Variants in KIF26B observed in about 807,000 individuals in gnomAD.
KIF26B encodes the protein kinesin family member 26B.
Under a neutral mutation model 151.2 loss-of-function variants are expected in KIF26B, and 63 were observed. The ratio of observed to expected loss-of-function variants is 0.42; its 90% CI spans 0.34 to 0.51. The LOEUF is 0.51. Among genes scored for constraint, KIF26B ranks in the 20% least tolerant of loss-of-function variants. KIF26B has a pLI of 0.07. For missense variants in KIF26B, 2,813 were observed against 2,913.6 expected, an observed-to-expected ratio of 0.97 and a Z score of 0.79; for synonymous variants, 1,357 against 1,262.1, an observed-to-expected ratio of 1.08 and a Z score of -1.59.
At chr1:245,368,791 G>C (rs1673024317) in intron 3 of KIF26B, among the ~76,000 whole-genome samples, 1 of 152,146 alleles carries the variant, frequency 6.6e-6, no homozygotes, top group African/African-American at 2.4e-5. Context: ...TTGGGGCCCA[G>C]CTTTGCATGG....
intron 2 of KIF26B, among the ~76,000 whole-genome samples, chr1:245,292,439 C>T (rs997288727): frequency 5.9e-5 from 9 of 152,182 alleles, no homozygotes; most frequent in South Asian, 2.1e-4. Flanking sequence ...AGTCCTCAAA[C>T]GGTCCTTGCT....
intron 2 of KIF26B, among the ~76,000 whole-genome samples, chr1:245,362,364 TAAAAAAAAA>T (rs775148578): frequency 1.2e-5 from 1 of 82,568 alleles, no homozygotes; most frequent in South Asian, 4.1e-4. Flanking sequence ...CCGTCTCTAC[TAAAAAAAAA>T]AAAAAAAAAA....
intron 2 of KIF26B, among the ~76,000 whole-genome samples, chr1:245,290,175 TTGAA>T (rs66484653): frequency 0.27 from 11,509 of 43,392 alleles, 675 homozygotes; most frequent in African/African-American, 0.42. Flanking sequence ...CAAACCTTTA[TTGAA>T]TGAATGAATG....
At position 245,487,764 on chromosome 1, in the gene KIF26B, A is replaced by ATTT. The variant is rs11413237; in HGVS notation, c.1167-52988_1167-52986dup. 2.1e-4 allele frequency among the ~76,000 whole-genome samples: 28 copies of ATTT among 132,636 alleles called. 1 individual carries two copies. Among genetic ancestry groups the ATTT allele is most frequent in the Admixed American group, 3.1e-4 (4 of 12,726 alleles). 87.0% of individuals were successfully genotyped at this position (132,636 alleles called of 152,430 possible). A position where few individuals can be genotyped will look rare whatever the true frequency, so the allele number is the denominator to read the frequency against. ...AGGCACATGTCACCACATCCAGCTA[A>ATTT]TTTTTTTTTTTTTTTTTGAGACAAG... On this transcript the variant is annotated intron_variant, in intron 4 of 14. Coordinates refer to ENST00000407071, the MANE Select transcript of KIF26B (RefSeq NM_018012.4).
intron 2 of KIF26B, among the ~76,000 whole-genome samples, chr1:245,336,626 T>C (rs1470077841): frequency 1.3e-5 from 2 of 152,248 alleles, no homozygotes; most frequent in Admixed American, 1.3e-4. Flanking sequence ...CACTCATTCT[T>C]GGGAGAGCAC....
intron 3 of KIF26B, among the ~76,000 whole-genome samples, chr1:245,413,153 C>T (rs181427258): frequency 1.2e-3 from 182 of 152,292 alleles, no homozygotes; most frequent in Non-Finnish European, 2.2e-3. Flanking sequence ...AGGACCACCC[C>T]GTGTGTTTTC....
chr1:245,394,964 A>G (rs1185044552), intron 3 of KIF26B, among the ~76,000 whole-genome samples: 3 of 152,192 alleles, frequency 2.0e-5, no homozygotes, highest in Non-Finnish European at 2.9e-5. Flanking sequence ...AAGTGCTAGG[A>G]TTACAGGACT....
chr1:245,274,975 C>G (rs1670914241), intron 2 of KIF26B, among the ~76,000 whole-genome samples: 1 of 152,230 alleles, frequency 6.6e-6, no homozygotes, highest in African/African-American at 2.4e-5. Flanking sequence ...TTCACATCCT[C>G]TCCAGCATCT....
At chr1:245,401,888 AAG>A (rs903127129) in intron 3 of KIF26B, among the ~76,000 whole-genome samples, 2 of 108,040 alleles carry the variant, frequency 1.9e-5, no homozygotes. Context: ...CAAACAAACA[AAG>A]AAACACACAC....
intron 5 of KIF26B, among the ~76,000 whole-genome samples, chr1:245,598,145 C>A (rs548952505): frequency 6.6e-6 from 1 of 152,070 alleles, no homozygotes; most frequent in Non-Finnish European, 1.5e-5. Flanking sequence ...ACTCTGTAGC[C>A]TAGAACCTTG....
At chr1:245,224,911 A>G (rs1322674103) in intron 2 of KIF26B, among the ~76,000 whole-genome samples, 2 of 152,250 alleles carry the variant, frequency 1.3e-5, no homozygotes, top group African/African-American at 4.8e-5. Context: ...TTTGGTTTGT[A>G]TCAAAGATGA....
rs147302223 is a variant in KIF26B at position 245,260,333 on chromosome 1, G to A, written c.465+103650G>A. On this transcript the variant is annotated intron_variant, in intron 2 of 14. Transcript: ENST00000407071. The stretch of plus-strand genomic sequence containing the variant: ...GTAATTCAGGCCAGTGCAGTACTGA[G>A]ATATGGAGTGTGGCCAGCACCCATG... Among the ~76,000 whole-genome samples, 402 of 152,344 alleles carry A rather than the reference G, an allele frequency of 2.6e-3. 3 individuals are homozygous for A. Among genetic ancestry groups the A allele is most frequent in the African/African-American group, 8.9e-3 (372 of 41,568 alleles).
intron 4 of KIF26B, among the ~76,000 whole-genome samples, chr1:245,432,860 C>A (rs928592572): frequency 5.9e-5 from 9 of 152,158 alleles, no homozygotes; most frequent in African/African-American, 2.2e-4. Context: ...CGGAATAATT[C>A]GGTTAGAATT....
intron 2 of KIF26B, among the ~76,000 whole-genome samples, chr1:245,271,303 G>A (rs55704495): frequency 0.13 from 20,483 of 152,034 alleles, 1,480 homozygotes; most frequent in Middle Eastern, 0.17. Context: ...AATGCCATTG[G>A]GAATTTGCTA....
At chr1:245,700,446 C>T (rs963790751) in intron 14 of KIF26B, among the ~76,000 whole-genome samples, 4 of 152,142 alleles carry the variant, frequency 2.6e-5, no homozygotes, top group Non-Finnish European at 4.4e-5. Context: ...AATCCCAGCA[C>T]CTTGGGAGGC....
intron 10 of KIF26B, among the ~76,000 whole-genome samples, chr1:245,649,080 G>A (rs1441054803): frequency 6.6e-6 from 1 of 152,184 alleles, no homozygotes; most frequent in Non-Finnish European, 1.5e-5. Context: ...TGGCCAGTGC[G>A]TTTGTTCTGT....
rs1192645630 is a variant in KIF26B at position 245,688,387 on chromosome 1, C to T, written c.5404C>T (p.Arg1802Trp). 5 of 1,520,396 alleles carry T rather than the reference C, an allele frequency of 3.3e-6. No individual in the cohort carries two copies. The highest frequency in any genetic ancestry group is 1.7e-4 in the Middle Eastern group (1 of 5,846). The allele number at this position is 1,520,396 out of a possible 1,614,324, so 94.2% of individuals were successfully genotyped here. ...GGGCCTGGCCTCCAAGCTTCCCCTG[C>T]GGGCCGTCAGCGGGCGCATCTCGGA... Reference protein sequence around the residue: ...SSGLASKLPLRAVSGRISELL... With the variant: ...SSGLASKLPLWAVSGRISELL... The change falls in exon 12 of 15, where the codon CGG becomes TGG. Residue 1802 changes from arginine to tryptophan, a missense_variant. Arg to Trp is a moderately radical substitution (Grantham distance 101). Transcript: ENST00000407071.
rs200130573 is a variant in KIF26B, at chr1:245,480,276, G to GT, written c.1167-60491_1167-60490insT. Among the ~76,000 whole-genome samples the GT allele has an allele frequency of 1.3e-3, 189 of 150,840 alleles. 5 individuals are homozygous for GT. In the Middle Eastern group the frequency reaches 0.014, roughly 11 times the overall value. ...CCTGAGCAACAAAGACCCTGTCTCG[G>GT]GGGGGAGGAAAGAAAAAAAACTGCC... On this transcript the variant is annotated intron_variant, in intron 4 of 14. Transcript: ENST00000407071.
intron 2 of KIF26B, among the ~76,000 whole-genome samples, chr1:245,354,423 A>T (rs915421464): frequency 1.3e-5 from 2 of 152,234 alleles, no homozygotes; most frequent in African/African-American, 4.8e-5. Context: ...GCCATGAACC[A>T]GATCCACGGT....
Sources: allele counts gnomAD v4.1 joint callset (sites outside exome capture counted in the v4.1 genomes callset), GRCh38; gene constraint gnomAD v4.1.1; transcripts MANE v1.5; gene names NCBI Gene and HGNC (gene_info 2026-07-23, HGNC 2026-07-21).